The following TEAD1 variants were observed in gnomAD, a reference collection of about 807,000 sequenced individuals.
The protein encoded by TEAD1 is TEA domain transcription factor 1.
In TEAD1, 9 loss-of-function variants were observed where a neutral mutation model predicts 54.9. The ratio of observed to expected loss-of-function variants is 0.16; its 90% confidence interval spans 0.10 to 0.29. The LOEUF (loss-of-function observed/expected upper bound fraction) is 0.29, where lower values mean the gene tolerates loss of function less well. Among genes scored for constraint, TEAD1 ranks in the 10% least tolerant of loss-of-function variants. The probability of loss-of-function intolerance (pLI) is 1.00; values close to 1 mark genes in which losing one functional copy is unlikely to be tolerated. For missense variants in TEAD1, 387 were observed against 535.9 expected (o/e 0.72, Z 2.74); for synonymous variants, 200 against 187.8 (o/e 1.07, Z -0.53).
intron 3 of TEAD1, among the ~76,000 whole-genome samples, chr11:12,817,331 A>G (rs1322390704): frequency 1.3e-5 from 2 of 152,218 alleles, no homozygotes; most frequent in South Asian, 2.1e-4. Context: ...GGTCAGCCAG[A>G]CGGAGAATAA....
intron 11 of TEAD1, among the ~76,000 whole-genome samples, chr11:12,925,422 C>T (rs754737994): frequency 2.3e-4 from 35 of 152,316 alleles, no homozygotes; most frequent in Non-Finnish European, 4.3e-4. Context: ...CACAGTATCA[C>T]AGGAACAGCC....
chr11:12,898,697 A>G (rs115924720), intron 9 of TEAD1, among the ~76,000 whole-genome samples: 2,423 of 152,276 alleles, frequency 0.016, 71 homozygotes, highest in African/African-American at 0.055. Flanking sequence ...CCTGGCCCCT[A>G]TCAAACATTT....
At chr11:12,737,953 A>C (rs1204973355) in intron 2 of TEAD1, among the ~76,000 whole-genome samples, 1 of 152,196 alleles carries the variant, frequency 6.6e-6, no homozygotes, top group Non-Finnish European at 1.5e-5. Flanking sequence ...GACAAAGGGC[A>C]GCATGGCGGC....
intron 12 of TEAD1, 69 bp downstream of exon 12, chr11:12,930,395 G>T: frequency 1.3e-6 from 2 of 1,595,340 alleles, no homozygotes; most frequent in Non-Finnish European, 1.7e-6. Flanking sequence ...GAGGAAGGTG[G>T]GCCTGGGAGG....
intron 3 of TEAD1, among the ~76,000 whole-genome samples, chr11:12,780,664 CATT>C (rs750478413): frequency 1.1e-4 from 16 of 152,160 alleles, no homozygotes; most frequent in Non-Finnish European, 1.8e-4. Context: ...GAGCAAAAAA[CATT>C]TACCTCCAAA....
intron 2 of TEAD1, among the ~76,000 whole-genome samples, chr11:12,762,747 C>T (rs1173697996): frequency 6.6e-6 from 1 of 152,118 alleles, no homozygotes; most frequent in Non-Finnish European, 1.5e-5. Flanking sequence ...AGAGTTTCTG[C>T]ACCTGGCATC....
chr11:12,769,040 A>T (rs1945263624), intron 3 of TEAD1, among the ~76,000 whole-genome samples: 1 of 152,070 alleles, frequency 6.6e-6, no homozygotes, highest in African/African-American at 2.4e-5. Flanking sequence ...GTGCCCTAGG[A>T]TCCTATAAGC....
At chr11:12,739,308 A>G (rs1341784904) in intron 2 of TEAD1, among the ~76,000 whole-genome samples, 1 of 152,218 alleles carries the variant, frequency 6.6e-6, no homozygotes, top group African/African-American at 2.4e-5. Flanking sequence ...CATAAAAGTT[A>G]CCATCTTCAT....
intron 2 of TEAD1, among the ~76,000 whole-genome samples, chr11:12,680,303 A>G (rs796486559): frequency 6.6e-6 from 1 of 152,216 alleles, no homozygotes; most frequent in Admixed American, 6.5e-5. Flanking sequence ...ATCAATTTTA[A>G]TTGTAAGAAA....
At position 12,940,431 on chromosome 11, in the gene TEAD1, C is replaced by G. The variant is rs1949150358; in HGVS notation, c.*3209C>G. The G allele has an allele frequency of 6.6e-6, 1 of 152,160 alleles. No individual in the cohort carries two copies. The highest frequency in any genetic ancestry group is 2.4e-5 in the African/African-American group (1 of 41,428). The allele number at this position is 152,160 out of a possible 1,614,324, so 9.4% of individuals were successfully genotyped here. On this transcript the variant is annotated 3_prime_UTR_variant, in exon 13 of 13. Transcript: ENST00000527636. Reference sequence around the variant, plus strand: ...TGATCCCTGGTCAAGATCTGTTGCCCAAGATGTTACAGGTCACAATGACCA... The same window carrying G: ...TGATCCCTGGTCAAGATCTGTTGCCGAAGATGTTACAGGTCACAATGACCA...
chr11:12,751,942 C>T (rs1197799739), intron 2 of TEAD1, among the ~76,000 whole-genome samples: 1 of 152,132 alleles, frequency 6.6e-6, no homozygotes, highest in African/African-American at 2.4e-5. Flanking sequence ...ATGGCTTGAC[C>T]ACGAGGTAAA....
chr11:12,816,051 T>G (rs1306414210), intron 3 of TEAD1, among the ~76,000 whole-genome samples: 1 of 152,258 alleles, frequency 6.6e-6, no homozygotes, highest in Non-Finnish European at 1.5e-5. Context: ...AGGGCCTCTG[T>G]TAAGGCTGAG....
chr11:12,710,829 C>A (rs1355031642), intron 2 of TEAD1, among the ~76,000 whole-genome samples: 1 of 152,036 alleles, frequency 6.6e-6, no homozygotes, highest in Non-Finnish European at 1.5e-5. Flanking sequence ...GGGAGAGTAG[C>A]TCTTCAGGAG....
At chr11:12,835,405 C>G (rs932783442) in intron 3 of TEAD1, among the ~76,000 whole-genome samples, 4 of 151,812 alleles carry the variant, frequency 2.6e-5, no homozygotes, top group South Asian at 2.1e-4. Context: ...TGCAGTGGCG[C>G]AGTCTCGGTC....
chr11:12,914,738 C>T (rs1435861021), intron 10 of TEAD1, among the ~76,000 whole-genome samples: 2 of 152,268 alleles, frequency 1.3e-5, no homozygotes, highest in African/African-American at 2.4e-5. Context: ...GGCACTGTTG[C>T]CCCACAGCCC....
At chr11:12,924,829 A>T in intron 10 of TEAD1, 83 bp from the exon 11 acceptor site, 1 of 1,535,380 alleles carries the variant, frequency 6.5e-7, no homozygotes. Flanking sequence ...AGCCAAGCAG[A>T]GGTCTTACCC....
intron 10 of TEAD1, among the ~76,000 whole-genome samples, chr11:12,915,356 C>CT (rs1239622905): frequency 3.3e-5 from 5 of 152,194 alleles, no homozygotes; most frequent in African/African-American, 1.2e-4. Context: ...ACAGCCAGGT[C>CT]TCCAGAGGAC....
intron 3 of TEAD1, among the ~76,000 whole-genome samples, chr11:12,822,856 C>G (rs1475847284): frequency 6.6e-6 from 1 of 152,202 alleles, no homozygotes; most frequent in Admixed American, 6.5e-5. Flanking sequence ...TGACTGTGCT[C>G]TTTTCACAGC....
At chr11:12,885,476 A>G (rs1437653534) in intron 9 of TEAD1, among the ~76,000 whole-genome samples, 1 of 151,966 alleles carries the variant, frequency 6.6e-6, no homozygotes, top group Non-Finnish European at 1.5e-5. Context: ...TGACCTTGTG[A>G]TCTGCCCGCC....
Sources: gnomAD v4.1 joint callset for allele counts (sites outside exome capture counted in the v4.1 genomes callset) on GRCh38, gnomAD v4.1.1 for gene constraint, MANE v1.5 for transcripts, NCBI Gene and HGNC (gene_info 2026-07-23, HGNC 2026-07-21) for gene names.